Variants in SHISA9 observed in about 807,000 individuals in gnomAD.
SHISA9 encodes shisa family member 9, also known as protein shisa-9.
SHISA9 carries 13 observed loss-of-function variants against 38.0 expected under a neutral mutation model. That is an observed-to-expected ratio of 0.34 (90% CI 0.22 to 0.54). The LOEUF (loss-of-function observed/expected upper bound fraction) is 0.54, where lower values mean the gene tolerates loss of function less well. Among genes scored for constraint, SHISA9 ranks in the 20% least tolerant of loss-of-function variants. The pLI is 0.91. For missense variants in SHISA9, 538 were observed against 575.8 expected (o/e 0.93, Z 0.67); for synonymous variants, 275 against 242.0 (o/e 1.14, Z -1.27).
chr16:13,038,081 C>G (rs943947164), intron 2 of SHISA9, among the ~76,000 whole-genome samples: 15 of 152,154 alleles, frequency 9.9e-5, no homozygotes, highest in African/African-American at 3.6e-4. Context: ...CCTCCGCCTC[C>G]CGAGTTCAAG....
At chr16:13,474,855 G>A in the SHISA9 span, among the ~76,000 whole-genome samples, 1 of 152,280 alleles carries the variant, frequency 6.6e-6, no homozygotes, top group East Asian at 1.9e-4. Flanking sequence ...AAAGATCGTG[G>A]TGAGTTGAAG....
chr16:12,979,206 T>A (rs2072208324), intron 2 of SHISA9, among the ~76,000 whole-genome samples: 1 of 152,160 alleles, frequency 6.6e-6, no homozygotes, highest in Admixed American at 6.5e-5. Flanking sequence ...CTGATCTCAC[T>A]CTGATAGATC....
the SHISA9 span, among the ~76,000 whole-genome samples, chr16:13,285,690 A>G: frequency 6.6e-6 from 1 of 152,034 alleles, no homozygotes; most frequent in Admixed American, 6.6e-5. Flanking sequence ...ATAAGACATT[A>G]TCCTAAGTGT....
At chr16:12,954,161 A>G (rs1198876177) in intron 2 of SHISA9, among the ~76,000 whole-genome samples, 2 of 152,204 alleles carry the variant, frequency 1.3e-5, no homozygotes, top group African/African-American at 4.8e-5. Context: ...GATGTGGAAA[A>G]TGAGGAAATA....
chr16:13,034,254 G>C (rs1008064304), intron 2 of SHISA9, among the ~76,000 whole-genome samples: 1 of 152,182 alleles, frequency 6.6e-6, no homozygotes, highest in Non-Finnish European at 1.5e-5. Context: ...GTAGGATAGA[G>C]GGAAAGATTC....
At chr16:12,912,572 G>A (rs184775340) in intron 1 of SHISA9, among the ~76,000 whole-genome samples, 1 of 152,122 alleles carries the variant, frequency 6.6e-6, no homozygotes, top group Admixed American at 6.5e-5. Flanking sequence ...TCAGCATGAA[G>A]AGCCTGTTTA....
chr16:13,522,012 A>G, the SHISA9 span, among the ~76,000 whole-genome samples: 3 of 152,202 alleles, frequency 2.0e-5, no homozygotes, highest in East Asian at 5.8e-4. Flanking sequence ...GTGGTCCAGA[A>G]ACGGAACTCT....
chr16:12,923,428 T>C (rs886505280), intron 2 of SHISA9, among the ~76,000 whole-genome samples: 1 of 152,038 alleles, frequency 6.6e-6, no homozygotes, highest in African/African-American at 2.4e-5. Context: ...CTTGAGAGGC[T>C]GAGGCATGAG....
At chr16:13,274,354 C>T in the SHISA9 span, among the ~76,000 whole-genome samples, 2 of 152,040 alleles carry the variant, frequency 1.3e-5, no homozygotes, top group African/African-American at 4.8e-5. Flanking sequence ...TTAGCATCAG[C>T]TTTTATGGTG....
chr16:13,172,150 G>A (rs2050692046), intron 2 of SHISA9, among the ~76,000 whole-genome samples: 1 of 151,888 alleles, frequency 6.6e-6, no homozygotes, highest in Non-Finnish European at 1.5e-5. Flanking sequence ...TAGGACTCAG[G>A]GCTGTTTTCT....
chr16:13,125,340 A>C (rs1356253965), intron 2 of SHISA9, among the ~76,000 whole-genome samples: 1 of 152,208 alleles, frequency 6.6e-6, no homozygotes, highest in Non-Finnish European at 1.5e-5. Context: ...TTCTGATGGC[A>C]ACTTCCCTAA....
intron 2 of SHISA9, among the ~76,000 whole-genome samples, chr16:13,088,471 G>A (rs1417847840): frequency 1.3e-5 from 2 of 152,168 alleles, no homozygotes; most frequent in South Asian, 4.1e-4. Flanking sequence ...CCATTTGTTT[G>A]TGTCCTCCTT....
At chr16:13,482,819 AG>A in the SHISA9 span, among the ~76,000 whole-genome samples, 1 of 142,400 alleles carries the variant, frequency 7.0e-6, no homozygotes, top group African/African-American at 2.6e-5. Context: ...AAAAAAAAAG[AG>A]AGAGAGAGAC....
chr16:13,442,828 A>G, the SHISA9 span, among the ~76,000 whole-genome samples: 3 of 152,302 alleles, frequency 2.0e-5, no homozygotes, highest in East Asian at 5.8e-4. Flanking sequence ...TTACTGTTGG[A>G]TGGCTGGTGG....
At chr16:12,968,856 G>T (rs1443733320) in intron 2 of SHISA9, among the ~76,000 whole-genome samples, 2 of 152,078 alleles carry the variant, frequency 1.3e-5, no homozygotes, top group East Asian at 1.9e-4. Context: ...TGTTCCAATA[G>T]AATTTTATTT....
intron 4 of SHISA9, among the ~76,000 whole-genome samples, chr16:13,231,445 G>T (rs913941560): frequency 6.6e-6 from 1 of 152,214 alleles, no homozygotes; most frequent in Non-Finnish European, 1.5e-5. Flanking sequence ...ATGGGTTCTA[G>T]TCCCAGCTCT....
intron 2 of SHISA9, among the ~76,000 whole-genome samples, chr16:13,110,128 T>C (rs1446065103): frequency 1.3e-5 from 2 of 152,280 alleles, no homozygotes; most frequent in East Asian, 3.9e-4. Flanking sequence ...ATATAGAGGG[T>C]TGTGTTGAGC....
At chr16:12,966,222 C>G (rs555215249) in intron 2 of SHISA9, among the ~76,000 whole-genome samples, 18 of 152,330 alleles carry the variant, frequency 1.2e-4, no homozygotes, top group African/African-American at 3.6e-4. Context: ...ACTTCACTTT[C>G]CTACATCTAT....
the SHISA9 span, among the ~76,000 whole-genome samples, chr16:13,448,809 A>G: frequency 6.6e-6 from 1 of 152,270 alleles, no homozygotes; most frequent in South Asian, 2.1e-4. Flanking sequence ...AATAAAAATT[A>G]GCACTCAATG....
Sources: allele counts gnomAD v4.1 joint callset (sites outside exome capture counted in the v4.1 genomes callset), GRCh38; gene constraint gnomAD v4.1.1; transcripts MANE v1.5; gene names NCBI Gene and HGNC (gene_info 2026-07-23, HGNC 2026-07-21).